Variants in SVIL observed in about 807,000 individuals in gnomAD.
SVIL encodes supervillin.
A neutral mutation model predicts 240.4 loss-of-function variants in SVIL; 101 were observed. That is an observed-to-expected ratio of 0.42 (90% CI 0.36 to 0.50). The LOEUF (loss-of-function observed/expected upper bound fraction) is 0.50, where lower values mean the gene tolerates loss of function less well. SVIL is among the 20% of genes least tolerant of loss of function. The pLI is 0.01. For synonymous variants in SVIL, 999 were observed against 1,100.0 expected, an observed-to-expected ratio of 0.91 and a Z score of 1.82; for missense variants, 2,512 against 2,818.7, an observed-to-expected ratio of 0.89 and a Z score of 2.46.
chr10:29,646,924 A>G (rs1391179538), intron 3 of SVIL, among the ~76,000 whole-genome samples: 1 of 152,228 alleles, frequency 6.6e-6, no homozygotes, highest in Non-Finnish European at 1.5e-5. Flanking sequence ...GAGGGAGAAG[A>G]GCAAGATTGC....
intron 3 of SVIL, among the ~76,000 whole-genome samples, chr10:29,647,839 C>A (rs1267162780): frequency 2.0e-5 from 3 of 151,936 alleles, no homozygotes; most frequent in Non-Finnish European, 4.4e-5. Flanking sequence ...TGCTTGCTTT[C>A]CCAATTTAGA....
At position 29,735,758 on chromosome 10, in the gene SVIL, G is replaced by A. The variant is rs994437815; in HGVS notation, c.-407C>T. The A allele has an allele frequency of 6.6e-6, 1 of 151,878 alleles. No homozygotes were observed. Among genetic ancestry groups the A allele is most frequent in the African/African-American group, 2.4e-5 (1 of 41,378 alleles). 9.4% of individuals were successfully genotyped at this position (151,878 alleles called of 1,614,324 possible). A position where few individuals can be genotyped will look rare whatever the true frequency, so the allele number is the denominator to read the frequency against. Reference sequence around the variant, plus strand: ...CGGAGGGACTTTGCTCACCTACCCGGCTCTTCCACACCTCCCGGTGGCAGG... The same window carrying A: ...CGGAGGGACTTTGCTCACCTACCCGACTCTTCCACACCTCCCGGTGGCAGG... On this transcript the variant is annotated 5_prime_UTR_variant, in exon 1 of 36. Coordinates refer to the SVIL transcript ENST00000375400. The surrounding 1 kb of genome is among the most constrained non-coding windows in gnomAD (Gnocchi z 4.1).
chr10:29,581,566 AG>A (rs1955947939), intron 1 of SVIL, among the ~76,000 whole-genome samples: 1 of 152,250 alleles, frequency 6.6e-6, no homozygotes, highest in African/African-American at 2.4e-5. Context: ...ATGTGTTGAA[AG>A]AAAACCATGC....
chr10:29,533,915 C>T (rs1012011106), intron 7 of SVIL, among the ~76,000 whole-genome samples: 1 of 152,174 alleles, frequency 6.6e-6, no homozygotes, highest in African/African-American at 2.4e-5. Flanking sequence ...GCTGTAATTT[C>T]ATTGTCGTCT....
chr10:29,524,675 G>T lies in SVIL; in HGVS notation c.2383C>A (p.Gln795Lys). 1 of 1,614,110 alleles carries T rather than the reference G, an allele frequency of 6.2e-7. No homozygotes were observed. The highest frequency in any genetic ancestry group is 1.3e-5 in the African/African-American group (1 of 75,024). The change falls in exon 14 of 38, where the codon CAG (glutamine) becomes AAG (lysine). Residue 795 changes from glutamine to lysine, a missense_variant. By Grantham distance (53) the Gln-to-Lys change is moderately conservative. Around this residue, in one of 3 missense-constraint regions of SVIL, gnomAD observed 1,443 missense variants for 1,486.6 expected, o/e 0.97. Transcript: ENST00000355867. Reference protein sequence around the residue: ...SAHQKALAKDQTNEGKELAEQ... With the variant: ...SAHQKALAKDKTNEGKELAEQ... The stretch of plus-strand genomic sequence containing the variant: ...GCAAGCTCTTTGCCCTCATTTGTCT[G>T]GTCCTTGGCTAAGGCCTTTTGGTGA...
chr10:29,626,974 A>G (rs1459511255), intron 1 of SVIL, among the ~76,000 whole-genome samples: 3 of 152,180 alleles, frequency 2.0e-5, no homozygotes, highest in African/African-American at 7.2e-5. Flanking sequence ...CAGTGAGCCG[A>G]GATTGCGCCA....
intron 2 of SVIL, among the ~76,000 whole-genome samples, chr10:29,673,979 T>A (rs1351894883): frequency 6.6e-6 from 1 of 152,218 alleles, no homozygotes; most frequent in Non-Finnish European, 1.5e-5. Context: ...AAGTATGATA[T>A]GCCTTGTCTA....
intron 1 of SVIL, among the ~76,000 whole-genome samples, chr10:29,713,729 T>C (rs1963441434): frequency 6.6e-6 from 1 of 152,216 alleles, no homozygotes; most frequent in African/African-American, 2.4e-5. Flanking sequence ...GGCTGCTATT[T>C]GCCGACCACT....
At chr10:29,701,179 A>G (rs528000644) in intron 1 of SVIL, among the ~76,000 whole-genome samples, 1 of 151,982 alleles carries the variant, frequency 6.6e-6, no homozygotes, top group Non-Finnish European at 1.5e-5. Context: ...TAGACCATGC[A>G]CAGACCCACT....
intron 2 of SVIL, among the ~76,000 whole-genome samples, chr10:29,675,742 G>A (rs554969939): frequency 5.3e-5 from 8 of 152,042 alleles, no homozygotes; most frequent in South Asian, 2.1e-4. Context: ...TCCAGTCTTC[G>A]CCCAAGTGTT....
At chr10:29,613,370 T>C (rs1957320463) in intron 1 of SVIL, among the ~76,000 whole-genome samples, 1 of 152,092 alleles carries the variant, frequency 6.6e-6, no homozygotes, top group South Asian at 2.1e-4. Context: ...TGTTGCTCTG[T>C]TGCTCAGGCC....
At chr10:29,500,728 T>C (rs906763775) in intron 17 of SVIL, among the ~76,000 whole-genome samples, 5 of 152,156 alleles carry the variant, frequency 3.3e-5, no homozygotes, top group African/African-American at 7.2e-5. Flanking sequence ...CATGGATCAA[T>C]GTGATCCTAA....
intron 1 of SVIL, among the ~76,000 whole-genome samples, chr10:29,610,387 C>T (rs575703992): frequency 6.6e-6 from 1 of 152,044 alleles, no homozygotes; most frequent in Non-Finnish European, 1.5e-5. Context: ...TCCATAAACA[C>T]ACACCACTTG....
At chr10:29,630,866 C>T (rs115286948) in intron 1 of SVIL, among the ~76,000 whole-genome samples, 1 of 152,136 alleles carries the variant, frequency 6.6e-6, no homozygotes, top group Non-Finnish European at 1.5e-5. Context: ...ACCCACAAGT[C>T]GTTACAATTC....
chr10:29,620,990 T>G (rs1957615662), intron 1 of SVIL, among the ~76,000 whole-genome samples: 1 of 149,824 alleles, frequency 6.7e-6, no homozygotes. Context: ...TTTTTGTAGA[T>G]ATGGCGTCTC....
intron 1 of SVIL, among the ~76,000 whole-genome samples, chr10:29,604,189 TA>T (rs1956922146): frequency 6.9e-6 from 1 of 145,742 alleles, no homozygotes; most frequent in Admixed American, 7.4e-5. Flanking sequence ...TTTTATTATT[TA>T]TTATTGTTCC....
chr10:29,610,233 C>T (rs1957191467), intron 1 of SVIL, among the ~76,000 whole-genome samples: 1 of 152,122 alleles, frequency 6.6e-6, no homozygotes, highest in Non-Finnish European at 1.5e-5. Flanking sequence ...CCTTCCTTTC[C>T]CTCCTCGCTG....
chr10:29,679,364 G>A (rs1274248465), intron 2 of SVIL, among the ~76,000 whole-genome samples: 1 of 152,166 alleles, frequency 6.6e-6, no homozygotes, highest in Non-Finnish European at 1.5e-5. Flanking sequence ...AGGTAATGAA[G>A]CCAGTGAAGC....
chr10:29,477,732 TA>T (rs1415340914), intron 29 of SVIL, among the ~76,000 whole-genome samples: 1 of 152,252 alleles, frequency 6.6e-6, no homozygotes, highest in East Asian at 1.9e-4. Flanking sequence ...CTCCCTGCTT[TA>T]ACTTAATTCT....
Sources: allele counts gnomAD v4.1 joint callset (sites outside exome capture counted in the v4.1 genomes callset), GRCh38; gene constraint gnomAD v4.1.1; regional missense constraint gnomAD v4.1.1; non-coding constraint Gnocchi (gnomAD v3.1); transcripts MANE v1.5; gene names NCBI Gene and HGNC (gene_info 2026-07-23, HGNC 2026-07-21).